EBF1: variants seen among roughly 807,000 people sequenced by gnomAD.
EBF1 encodes EBF transcription factor 1.
In EBF1, 10 loss-of-function variants were observed where a neutral mutation model predicts 68.4. The observed-to-expected ratio is 0.15, with a 90% confidence interval of 0.09 to 0.25. EBF1 has a LOEUF of 0.25. EBF1 is among the 10% of genes least tolerant of loss of function. EBF1 has a pLI of 1.00. For synonymous variants in EBF1, 298 were observed against 299.8 expected (o/e 0.99, Z 0.06); for missense variants, 509 against 794.4 (o/e 0.64, Z 4.32).
intron 10 of EBF1, among the ~76,000 whole-genome samples, chr5:158,748,395 T>A (rs767840645): frequency 1.3e-5 from 2 of 152,224 alleles, no homozygotes; most frequent in Non-Finnish European, 2.9e-5. Context: ...AATTCTGGTA[T>A]GCCTTCTTCA....
chr5:158,993,845 A>G (rs1760851803), intron 6 of EBF1, among the ~76,000 whole-genome samples: 1 of 152,218 alleles, frequency 6.6e-6, no homozygotes, highest in Admixed American at 6.5e-5. Flanking sequence ...GACCTAAAGG[A>G]TTAAACAGAC....
chr5:158,729,854 G>A (rs774032878), intron 11 of EBF1, among the ~76,000 whole-genome samples: 4 of 152,156 alleles, frequency 2.6e-5, no homozygotes, highest in South Asian at 2.1e-4. Context: ...CTTCCTCTCC[G>A]GAGCAGTTAG....
At chr5:158,851,213 A>G (rs1300934305) in intron 6 of EBF1, among the ~76,000 whole-genome samples, 1 of 151,310 alleles carries the variant, frequency 6.6e-6, no homozygotes, top group Non-Finnish European at 1.5e-5. Context: ...CGTCTCTACC[A>G]AAAATACAAA....
intron 6 of EBF1, among the ~76,000 whole-genome samples, chr5:158,851,555 G>GAGGGGAGGGAAAAAGGGA (rs200154704): frequency 3.9e-5 from 1 of 25,494 alleles, no homozygotes; most frequent in Non-Finnish European, 8.1e-5. Flanking sequence ...GGGGAGGAGA[G>GAGGGGAGGGAAAAAGGGA]AGGGGAGGGA....
At chr5:158,898,995 T>A (rs1802730877) in intron 6 of EBF1, among the ~76,000 whole-genome samples, 1 of 152,220 alleles carries the variant, frequency 6.6e-6, no homozygotes, top group Non-Finnish European at 1.5e-5. Flanking sequence ...CTCTAATGAA[T>A]GCAGAGGAAC....
At chr5:158,763,844 G>A (rs1261991198) in intron 10 of EBF1, among the ~76,000 whole-genome samples, 3 of 152,150 alleles carry the variant, frequency 2.0e-5, no homozygotes, top group Non-Finnish European at 4.4e-5. Context: ...AATACATCCT[G>A]TGTTGGTTTG....
chr5:158,906,819 T>C (rs1234515231), intron 6 of EBF1, among the ~76,000 whole-genome samples: 1 of 152,214 alleles, frequency 6.6e-6, no homozygotes, highest in African/African-American at 2.4e-5. Flanking sequence ...ACTAGCGCAC[T>C]GTGAAAAATT....
chr5:158,881,633 G>A (rs1416972878), intron 6 of EBF1, among the ~76,000 whole-genome samples: 1 of 152,210 alleles, frequency 6.6e-6, no homozygotes, highest in East Asian at 1.9e-4. Flanking sequence ...TGGGAAGTCA[G>A]CATAGAGAAG....
intron 6 of EBF1, among the ~76,000 whole-genome samples, chr5:159,051,360 A>G: frequency 2.6e-5 from 1 of 38,012 alleles, no homozygotes; most frequent in Non-Finnish European, 4.9e-5. Flanking sequence ...CAGCCCCCCA[A>G]ACAAATCCCC....
chr5:158,791,243 T>C (rs1290267603), intron 9 of EBF1, among the ~76,000 whole-genome samples: 1 of 143,348 alleles, frequency 7.0e-6, no homozygotes. Flanking sequence ...CGCTTGAACC[T>C]GGGAAGTGGA....
rs540425126 is a variant in EBF1 at position 158,738,919 on chromosome 5, T to C, written c.1037-7762A>G. On this transcript the variant is annotated intron_variant, in intron 10 of 15. Coordinates refer to ENST00000313708, the MANE Select transcript of EBF1 (RefSeq NM_024007.5). ...ACAGGAATCTCTGTGCCTAGGCTCC[T>C]GACATTTTACACATGAACAAGCCGT... is the stretch of plus-strand genomic sequence containing the variant. Among the ~76,000 whole-genome samples the C allele has an allele frequency of 2.6e-4, 39 of 152,316 alleles. No individual in the cohort carries two copies. The South Asian group carries it at 7.7e-3, about 30-fold the overall frequency.
Position 158,781,193 on chromosome 5 carries a change from C to A in EBF1, c.910-3654G>T, listed in dbSNP as rs1015399752. On this transcript the variant is annotated intron_variant, in intron 9 of 15. Transcript: ENST00000313708. ...CAGATGAGAAAAGTTGATGGTCAGG[C>A]AAGTTAATATTATTTAAAACACTTG... 2.6e-5 allele frequency among the ~76,000 whole-genome samples: 4 copies of A among 152,130 alleles called. 1 individual carries two copies. Among genetic ancestry groups the A allele is most frequent in the Admixed American group, 1.3e-4 (2 of 15,268 alleles).
At chr5:159,005,198 C>T (rs1256863225) in intron 6 of EBF1, among the ~76,000 whole-genome samples, 1 of 152,108 alleles carries the variant, frequency 6.6e-6, no homozygotes, top group East Asian at 1.9e-4. Context: ...CAAAAGTGCC[C>T]CCAATTAATA....
At chr5:159,086,362 A>G (rs1780637408) in intron 4 of EBF1, among the ~76,000 whole-genome samples, 1 of 152,212 alleles carries the variant, frequency 6.6e-6, no homozygotes, top group Non-Finnish European at 1.5e-5. Context: ...ACAATAATTT[A>G]ATCTACAGAC....
chr5:158,758,506 C>A (rs1195699518), intron 10 of EBF1, among the ~76,000 whole-genome samples: 1 of 152,022 alleles, frequency 6.6e-6, no homozygotes, highest in Non-Finnish European at 1.5e-5. Flanking sequence ...TGTTTTAGGA[C>A]AATTCAAATG....
chr5:158,740,293 C>G (rs967046572), intron 10 of EBF1, among the ~76,000 whole-genome samples: 1 of 152,026 alleles, frequency 6.6e-6, no homozygotes, highest in Non-Finnish European at 1.5e-5. Flanking sequence ...CTTGTGCTAA[C>G]CAAACGCGGA....
At chr5:159,027,860 T>C (rs1323370057) in intron 6 of EBF1, among the ~76,000 whole-genome samples, 3 of 152,180 alleles carry the variant, frequency 2.0e-5, no homozygotes, top group Non-Finnish European at 4.4e-5. Context: ...AGCTCCTGAG[T>C]TGTACAAAGT....
chr5:158,810,185 T>C (rs1190802176), intron 8 of EBF1, among the ~76,000 whole-genome samples: 1 of 152,196 alleles, frequency 6.6e-6, no homozygotes, highest in Non-Finnish European at 1.5e-5. Flanking sequence ...TTTCTTCCTC[T>C]ATCAAGAAAT....
intron 6 of EBF1, among the ~76,000 whole-genome samples, chr5:158,978,791 C>CACAT (rs1261763853): frequency 2.0e-5 from 2 of 100,452 alleles, no homozygotes; most frequent in Non-Finnish European, 2.1e-5. Context: ...CACACACACA[C>CACAT]ACACATACAC....
Sources: allele counts gnomAD v4.1 joint callset (sites outside exome capture counted in the v4.1 genomes callset), GRCh38; gene constraint gnomAD v4.1.1; transcripts MANE v1.5; gene names NCBI Gene and HGNC (gene_info 2026-07-23, HGNC 2026-07-21).